CDH4: variants seen among roughly 807,000 people sequenced by gnomAD.
The protein encoded by CDH4 is cadherin 4.
In CDH4, 33 loss-of-function variants were observed where a neutral mutation model predicts 86.0. That is an observed-to-expected ratio of 0.38 (90% CI 0.29 to 0.51). CDH4 has a LOEUF of 0.51. Ranked by LOEUF, CDH4 falls within the 20% of genes least tolerant of loss-of-function variation. CDH4 has a pLI of 0.86. For synonymous variants in CDH4, 555 were observed against 549.4 expected, an observed-to-expected ratio of 1.01 and a Z score of -0.14; for missense variants, 1,114 against 1,307.4, an observed-to-expected ratio of 0.85 and a Z score of 2.28.
Position 61,867,407 on chromosome 20 carries a change from G to A in CDH4, c.878-6321G>A, listed in dbSNP as rs560966883. ...TCTACTAAAAACACAAAAATTAGTC[G>A]GGCATGTTGGTGCACTCCTGTGATC... On this transcript the variant is annotated intron_variant, in intron 6 of 15. Coordinates refer to ENST00000614565, the MANE Select transcript of CDH4 (RefSeq NM_001794.5). Among the ~76,000 whole-genome samples the A allele has an allele frequency of 5.3e-5, 8 of 152,222 alleles. No individual in the cohort carries two copies. The South Asian group carries it at 1.2e-3, about 24-fold the overall frequency.
In CDH4 at chr20:61,899,648, T is replaced by C. The variant is rs186023611; in HGVS notation, c.1188+4601T>C. On this transcript the variant is annotated intron_variant, in intron 8 of 15. Coordinates refer to ENST00000614565, the MANE Select transcript of CDH4 (RefSeq NM_001794.5). Reference sequence around the variant, plus strand: ...TTCACTGTGTTAGCCAGGATGGTCTTGATCTCCTGACCTCGTGATCCGCCC... The same window carrying C: ...TTCACTGTGTTAGCCAGGATGGTCTCGATCTCCTGACCTCGTGATCCGCCC... 9.3e-3 allele frequency among the ~76,000 whole-genome samples: 1,421 copies of C among 152,262 alleles called. 23 individuals are homozygous for C. The highest frequency in any genetic ancestry group is 0.032 in the African/African-American group (1,339 of 41,568).
chr20:61,297,351 T>C (rs1002934076), intron 2 of CDH4, among the ~76,000 whole-genome samples: 2 of 152,114 alleles, frequency 1.3e-5, no homozygotes, highest in African/African-American at 4.8e-5. Flanking sequence ...ATCGCGCCAT[T>C]GTACTCCAGC....
Position 61,712,721 on chromosome 20 carries a change from G to A in CDH4, c.170-30842G>A, listed in dbSNP as rs369516435. ...GAGTGCCCAGAAGGCAGCAGGAGCC[G>A]TGGCGAGCTGGCTGGGAATTCAGAG... On this transcript the variant is annotated intron_variant, in intron 2 of 15. Transcript: ENST00000614565. Among the ~76,000 whole-genome samples, 191 of 152,334 alleles carry A rather than the reference G, an allele frequency of 1.3e-3. 7 individuals carry two copies. In the South Asian group the frequency reaches 0.039, roughly 31 times the overall value.
intron 7 of CDH4, among the ~76,000 whole-genome samples, chr20:61,890,563 T>A (rs1354155562): frequency 6.6e-6 from 1 of 151,098 alleles, no homozygotes; most frequent in Non-Finnish European, 1.5e-5. Flanking sequence ...GGGTGGATGA[T>A]GCATGATGGA....
At position 61,871,337 on chromosome 20, in the gene CDH4, T is replaced by C. The variant is rs560622559; in HGVS notation, c.878-2391T>C. 1.4e-4 allele frequency among the ~76,000 whole-genome samples: 21 copies of C among 152,358 alleles called. No homozygotes were observed. In the South Asian group the frequency reaches 4.1e-3, roughly 30 times the overall value. On this transcript the variant is annotated intron_variant, in intron 6 of 15. Transcript: ENST00000614565. ...GTTTTCCAGCTTCCATCGTTCCTGTTGAGAAGTCAGCTTGAAGTCTTCTCA... is the reference window on the plus strand; with the variant it reads ...GTTTTCCAGCTTCCATCGTTCCTGTCGAGAAGTCAGCTTGAAGTCTTCTCA...
At position 61,399,164 on chromosome 20, in the gene CDH4, C is replaced by T. The variant is rs2085035526; in HGVS notation, c.169+144227C>T. On this transcript the variant is annotated intron_variant, in intron 2 of 15. Coordinates refer to ENST00000614565, the MANE Select transcript of CDH4 (RefSeq NM_001794.5). ...TTTTTGAGACGGAGTCTCACTCTGT[C>T]GCCCAGGCCGGACTGCGGACTGCAG... 7.7e-5 allele frequency among the ~76,000 whole-genome samples: 3 copies of T among 39,026 alleles called. 1 individual carries two copies. The highest frequency in any genetic ancestry group is 6.6e-4 in the South Asian group (1 of 1,510). 25.6% of individuals were successfully genotyped at this position (39,026 alleles called of 152,430 possible).
intron 2 of CDH4, among the ~76,000 whole-genome samples, chr20:61,343,310 A>G (rs969463701): frequency 2.0e-5 from 3 of 152,246 alleles, no homozygotes; most frequent in African/African-American, 7.2e-5. Flanking sequence ...GGTAAAAGAA[A>G]CTTCAGGTTA....
chr20:61,253,621 C>T (rs1470750934), intron 1 of CDH4, among the ~76,000 whole-genome samples: 2 of 152,172 alleles, frequency 1.3e-5, no homozygotes, highest in African/African-American at 4.8e-5. Context: ...GTTGAGCCTC[C>T]CACCGGGCTG....
intron 2 of CDH4, among the ~76,000 whole-genome samples, chr20:61,316,241 A>G (rs1308254896): frequency 6.6e-6 from 1 of 152,234 alleles, no homozygotes; most frequent in Non-Finnish European, 1.5e-5. Context: ...TTCTTGACAG[A>G]TCTGCATTTT....
chr20:61,384,515 G>A (rs1338397374), intron 2 of CDH4, among the ~76,000 whole-genome samples: 1 of 152,174 alleles, frequency 6.6e-6, no homozygotes, highest in Non-Finnish European at 1.5e-5. Context: ...GGTTTGTCCT[G>A]CAAACCAGTC....
chr20:61,670,034 G>A (rs758666557), intron 2 of CDH4, among the ~76,000 whole-genome samples: 1 of 152,170 alleles, frequency 6.6e-6, no homozygotes, highest in Non-Finnish European at 1.5e-5. Flanking sequence ...ATGAGTATGA[G>A]GAATGCATGA....
chr20:61,407,803 CA>C (rs2085092420), intron 2 of CDH4, among the ~76,000 whole-genome samples: 1 of 152,128 alleles, frequency 6.6e-6, no homozygotes, highest in African/African-American at 2.4e-5. Context: ...TGCACAGTGA[CA>C]TCAGTGACTG....
At chr20:61,367,137 G>A (rs2084814985) in intron 2 of CDH4, among the ~76,000 whole-genome samples, 1 of 152,150 alleles carries the variant, frequency 6.6e-6, no homozygotes, top group Admixed American at 6.5e-5. Flanking sequence ...CAGGGAGGAG[G>A]GCGTGTGCCA....
intron 2 of CDH4, among the ~76,000 whole-genome samples, chr20:61,565,503 G>A (rs999613283): frequency 1.3e-5 from 2 of 151,514 alleles, no homozygotes; most frequent in Non-Finnish European, 3.0e-5. Context: ...CCACCTCCTT[G>A]GGGCTGTTTC....
At position 61,931,230 on chromosome 20, in the gene CDH4, C is replaced by T. The variant is rs1476004256; in HGVS notation, c.2239+1388C>T. The stretch of plus-strand genomic sequence containing the variant: ...AGGTTCTTGGCCTTGTGGCTTCCGT[C>T]GAGCCAAGACTAGGCCCGGGCTCCA... On this transcript the variant is annotated intron_variant, in intron 13 of 15. Coordinates refer to ENST00000614565, the MANE Select transcript of CDH4 (RefSeq NM_001794.5). Among the ~76,000 whole-genome samples the T allele has an allele frequency of 3.9e-5, 6 of 152,238 alleles. 1 individual carries two copies. The highest frequency in any genetic ancestry group is 2.6e-4 in the Admixed American group (4 of 15,292).
At chr20:61,629,066 A>G (rs1282300177) in intron 2 of CDH4, among the ~76,000 whole-genome samples, 1 of 152,248 alleles carries the variant, frequency 6.6e-6, no homozygotes, top group Non-Finnish European at 1.5e-5. Flanking sequence ...TGATCTGCAC[A>G]GGCAGGCAGG....
intron 7 of CDH4, among the ~76,000 whole-genome samples, chr20:61,881,589 G>C (rs534621684): frequency 6.6e-6 from 1 of 152,196 alleles, no homozygotes; most frequent in African/African-American, 2.4e-5. Flanking sequence ...GGGCCCAGGC[G>C]GCTGGGGTCG....
At chr20:61,927,251 C>T (rs1340280194) in intron 11 of CDH4, among the ~76,000 whole-genome samples, 1 of 152,200 alleles carries the variant, frequency 6.6e-6, no homozygotes, top group Non-Finnish European at 1.5e-5. Flanking sequence ...CCACCACCGC[C>T]GCCTCCAAGC....
chr20:61,487,852 G>T (rs780553413), intron 2 of CDH4, among the ~76,000 whole-genome samples: 1 of 152,218 alleles, frequency 6.6e-6, no homozygotes, highest in Non-Finnish European at 1.5e-5. Flanking sequence ...AGTCTTGTCC[G>T]TGGAAACAGT....
Sources: gnomAD v4.1 joint callset for allele counts (sites outside exome capture counted in the v4.1 genomes callset) on GRCh38, gnomAD v4.1.1 for gene constraint, MANE v1.5 for transcripts, NCBI Gene and HGNC (gene_info 2026-07-23, HGNC 2026-07-21) for gene names.